The following HIP1 variants were observed in gnomAD, a reference collection of about 807,000 sequenced individuals.
HIP1 encodes huntingtin interacting protein 1, also known as huntingtin-interacting protein 1.
Under a neutral mutation model 147.6 loss-of-function variants are expected in HIP1, and 65 were observed. The ratio of observed to expected loss-of-function variants is 0.44; its 90% CI spans 0.36 to 0.54. HIP1 has a LOEUF of 0.54. Ranked by LOEUF, HIP1 falls within the 20% of genes least tolerant of loss-of-function variation. The pLI is 0.00. For missense variants in HIP1, 1,061 were observed against 1,299.6 expected (o/e 0.82, Z 2.82); for synonymous variants, 479 against 504.0 (o/e 0.95, Z 0.67).
At chr7:75,686,536 G>T (rs190771574) in intron 1 of HIP1, among the ~76,000 whole-genome samples, 6 of 152,262 alleles carry the variant, frequency 3.9e-5, no homozygotes, top group Admixed American at 1.3e-4. Context: ...GGATGTCAGC[G>T]CAGGGAGCTT....
At position 75,554,105 on chromosome 7, in the gene HIP1, GTAC is replaced by G. The variant is rs1554492686; in HGVS notation, c.2158+5_2158+7del. 6.2e-7 allele frequency: 1 copy of G among 1,608,770 alleles called. No individual in the cohort carries two copies. The highest frequency in any genetic ancestry group is 1.3e-5 in the African/African-American group (1 of 74,938). On this transcript the variant is annotated splice_donor_5th_base_variant and intron_variant, in intron 21 of 30. Transcript: ENST00000336926. ...TCCATGAACAGCCCCTCATGCCCCG[GTAC>G]TCACAGTCGGCAGGCTCAGGTGGGG... is the stretch of plus-strand genomic sequence containing the variant.
intron 7 of HIP1, among the ~76,000 whole-genome samples, chr7:75,579,899 G>A (rs1554498297): frequency 1.3e-5 from 2 of 152,148 alleles, no homozygotes; most frequent in African/African-American, 2.4e-5. Flanking sequence ...AGAGTTGGAT[G>A]CTTGTCATGG....
intron 1 of HIP1, among the ~76,000 whole-genome samples, chr7:75,603,440 G>A (rs1554503367): frequency 6.6e-6 from 1 of 151,980 alleles, no homozygotes; most frequent in African/African-American, 2.4e-5. Flanking sequence ...CCCAATTAGT[G>A]GGAATTTGTT....
chr7:75,561,981 T>C (rs1366689377), intron 12 of HIP1, 92 bp downstream of exon 12: 5 of 773,024 alleles, frequency 6.5e-6, no homozygotes, highest in Non-Finnish European at 4.6e-6. Flanking sequence ...AGCCCCAGTA[T>C]CATTAAGAAT....
At chr7:75,623,076 T>C (rs1485825613) in intron 1 of HIP1, among the ~76,000 whole-genome samples, 2 of 151,384 alleles carry the variant, frequency 1.3e-5, no homozygotes, top group African/African-American at 4.9e-5. Flanking sequence ...TGCGTGCCTG[T>C]AATCCCAGCT....
intron 14 of HIP1, 94 bp downstream of exon 14, chr7:75,559,638 C>T (rs782809811): frequency 2.0e-6 from 2 of 1,020,870 alleles, no homozygotes; most frequent in East Asian, 2.6e-5. Context: ...CTGGGTCTCC[C>T]CCACCCAGCC....
chr7:75,643,977 G>A (rs1798726952), intron 1 of HIP1, among the ~76,000 whole-genome samples: 1 of 152,118 alleles, frequency 6.6e-6, no homozygotes, highest in Non-Finnish European at 1.5e-5. Flanking sequence ...TCCAGCCTGG[G>A]TAACAAAGTA....
chr7:75,675,874 G>T (rs1174524232), intron 1 of HIP1, among the ~76,000 whole-genome samples: 2 of 151,984 alleles, frequency 1.3e-5, no homozygotes, highest in Non-Finnish European at 2.9e-5. Flanking sequence ...CTAGCTACTT[G>T]GGAGACTAAG....
intron 7 of HIP1, among the ~76,000 whole-genome samples, chr7:75,574,286 C>A (rs1171024323): frequency 6.8e-6 from 1 of 146,614 alleles, no homozygotes; most frequent in Admixed American, 6.9e-5. Flanking sequence ...AACTCAGTCT[C>A]GAAAAAAAAA....
intron 1 of HIP1, among the ~76,000 whole-genome samples, chr7:75,706,589 T>A (rs1412929417): frequency 6.7e-6 from 1 of 149,234 alleles, no homozygotes; most frequent in East Asian, 1.9e-4. Flanking sequence ...GGTATACACG[T>A]GCCATGTTGG....
At chr7:75,710,509 T>A (rs1801138661) in intron 1 of HIP1, among the ~76,000 whole-genome samples, 1 of 152,234 alleles carries the variant, frequency 6.6e-6, no homozygotes, top group Non-Finnish European at 1.5e-5. Context: ...ATCAGGGTAA[T>A]CCTGACCTCA....
intron 1 of HIP1, among the ~76,000 whole-genome samples, chr7:75,644,369 A>T (rs2117170322): frequency 6.6e-6 from 1 of 152,248 alleles, no homozygotes; most frequent in Admixed American, 6.5e-5. Context: ...GTCTCAGCTC[A>T]CTGCAACCTC....
chr7:75,599,282 G>A (rs1796882737), intron 1 of HIP1, 35 bp from the exon 2 acceptor site: 2 of 1,527,104 alleles, frequency 1.3e-6, no homozygotes, highest in Middle Eastern at 1.7e-4. Flanking sequence ...AAAGGAGGAT[G>A]AGATGAATAA....
At chr7:75,603,593 G>A (rs191280965) in intron 1 of HIP1, among the ~76,000 whole-genome samples, 5 of 152,166 alleles carry the variant, frequency 3.3e-5, no homozygotes, top group East Asian at 1.9e-4. Flanking sequence ...CAGGGTGAGC[G>A]TAAGAGCAGT....
intron 13 of HIP1, 21 bp from the exon 14 acceptor site, chr7:75,559,936 T>C: frequency 6.4e-7 from 1 of 1,573,554 alleles, no homozygotes; most frequent in Non-Finnish European, 8.6e-7. Flanking sequence ...ACTCCGGTCA[T>C]GAGGCCAACC....
intron 1 of HIP1, among the ~76,000 whole-genome samples, chr7:75,709,442 TAAATG>T (rs1801101817): frequency 6.6e-6 from 1 of 152,352 alleles, no homozygotes; most frequent in South Asian, 2.1e-4. Flanking sequence ...GGTGCTATTG[TAAATG>T]AAATTGTTTT....
At chr7:75,738,241 C>T (rs1411285598) in intron 1 of HIP1, among the ~76,000 whole-genome samples, 2 of 151,862 alleles carry the variant, frequency 1.3e-5, no homozygotes, top group South Asian at 2.1e-4. Flanking sequence ...CGACCCCTTC[C>T]GCCCGGCCTC....
intron 1 of HIP1, among the ~76,000 whole-genome samples, chr7:75,607,779 G>A (rs1406223249): frequency 9.2e-5 from 14 of 151,994 alleles, no homozygotes; most frequent in Non-Finnish European, 2.1e-4. Context: ...ACATCAGCAA[G>A]TGTAGGGCGG....
intron 19 of HIP1, among the ~76,000 whole-genome samples, chr7:75,555,060 G>C (rs1043844469): frequency 6.6e-6 from 1 of 151,866 alleles, no homozygotes; most frequent in Non-Finnish European, 1.5e-5. Flanking sequence ...GGTGTTGCGT[G>C]CCTGTAGTCC....
Sources: gnomAD v4.1 joint callset for allele counts (sites outside exome capture counted in the v4.1 genomes callset) on GRCh38, gnomAD v4.1.1 for gene constraint, MANE v1.5 for transcripts, NCBI Gene and HGNC (gene_info 2026-07-23, HGNC 2026-07-21) for gene names.